OAS2: variants seen among roughly 807,000 people sequenced by gnomAD.
OAS2 encodes 2'-5'-oligoadenylate synthetase 2, also known as 2'-5'-oligoadenylate synthase 2.
A neutral mutation model predicts 71.3 loss-of-function variants in OAS2; 67 were observed. That is an observed-to-expected ratio of 0.94 (90% CI 0.77 to 1.15). The LOEUF is 1.15. OAS2 is among the 50% of genes most tolerant of loss of function. The pLI is 0.00. For synonymous variants in OAS2, 327 were observed against 321.8 expected (o/e 1.02, Z -0.17); for missense variants, 789 against 822.5 (o/e 0.96, Z 0.50).
Position 112,978,825 on chromosome 12 carries a change from G to C in OAS2, c.177+40G>C. 6.4e-7 allele frequency: 1 copy of C among 1,574,172 alleles called. No individual in the cohort carries two copies. Among genetic ancestry groups the C allele is most frequent in the Non-Finnish European group, 8.6e-7 (1 of 1,157,860 alleles). ...GAGGTTGGGTCTCTGGGAGGCAGGA[G>C]ATTCCACGGCGGCAGCAAGGCCGAG... is the stretch of plus-strand genomic sequence containing the variant. On this transcript the variant is annotated intron_variant, in intron 1 of 9. Transcript: ENST00000392583. This position sits in a 1 kb window ranked among gnomAD's most constrained non-coding sequence, Gnocchi z 4.2.
chr12:113,002,788 T>G, intron 5 of OAS2, 144 bp from the exon 6 acceptor site: 1 of 697,508 alleles, frequency 1.4e-6, no homozygotes, highest in Non-Finnish European at 2.5e-6. Flanking sequence ...ATTTGTGCAA[T>G]GACAAAAGAC....
chr12:113,003,572 G>A (rs2044307553), intron 6 of OAS2, among the ~76,000 whole-genome samples: 1 of 152,066 alleles, frequency 6.6e-6, no homozygotes, highest in Non-Finnish European at 1.5e-5. Context: ...GTATTTTTAG[G>A]GGTCCACCAT....
Position 113,010,497 on chromosome 12 carries a change from A to G in OAS2, c.*1242A>G. ...AAGAAACTTCTAGAGATCATCTGGC[A>G]ATCGCTTTTAAAGACTCGGCTCACC... On this transcript the variant is annotated 3_prime_UTR_variant, in exon 10 of 10. Coordinates refer to ENST00000392583, the MANE Select transcript of OAS2 (RefSeq NM_002535.3). 6.2e-7 allele frequency: 1 copy of G among 1,611,172 alleles called. No homozygotes were observed. Among genetic ancestry groups the G allele is most frequent in the Non-Finnish European group, 8.5e-7 (1 of 1,179,408 alleles).
At chr12:112,993,931 T>G (rs920272054) in intron 2 of OAS2, among the ~76,000 whole-genome samples, 2 of 144,728 alleles carry the variant, frequency 1.4e-5, no homozygotes, top group Non-Finnish European at 3.0e-5. Flanking sequence ...TTTTGTTTGT[T>G]TTTGTTTCTA....
intron 2 of OAS2, among the ~76,000 whole-genome samples, chr12:112,991,686 A>G (rs1442847163): frequency 6.6e-6 from 1 of 152,206 alleles, no homozygotes; most frequent in African/African-American, 2.4e-5. Context: ...CAGAGGGATG[A>G]CTTTGAATAG....
intron 7 of OAS2, among the ~76,000 whole-genome samples, 168 bp from the exon 8 acceptor site, chr12:113,006,245 T>A (rs1170293624): frequency 1.3e-5 from 2 of 152,234 alleles, no homozygotes; most frequent in East Asian, 3.8e-4. Flanking sequence ...TTTTTACATA[T>A]CTCATTATTC....
intron 5 of OAS2, among the ~76,000 whole-genome samples, chr12:113,001,069 C>T (rs375728711): frequency 6.6e-6 from 1 of 152,140 alleles, no homozygotes. Flanking sequence ...TTGAGCCAGG[C>T]ACAGTGGCTC....
chr12:113,010,856 G>A lies in OAS2; in HGVS notation c.*1601G>A, dbSNP rs115904106. ...CTCATAACTCTGTGATCTTGCTCTC[G>A]GTGCTTCCAACTCATCCACGTCCTG... On this transcript the variant is annotated 3_prime_UTR_variant, in exon 10 of 10. Coordinates refer to ENST00000392583, the MANE Select transcript of OAS2 (RefSeq NM_002535.3). The A allele has an allele frequency of 5.0e-5, 8 of 161,416 alleles. No individual in the cohort carries two copies. The highest frequency in any genetic ancestry group is 4.8e-5 in the African/African-American group (2 of 41,488). The allele number at this position is 161,416 out of a possible 1,614,324, so 10.0% of individuals were successfully genotyped here. A position where few individuals can be genotyped will look rare whatever the true frequency, so the allele number is the denominator to read the frequency against.
intron 2 of OAS2, chr12:112,988,282 C>G (rs1376771134): frequency 2.1e-6 from 2 of 941,592 alleles, no homozygotes; most frequent in South Asian, 4.9e-5. Context: ...ACTGAGCAGA[C>G]AATTCACAAA....
rs753096085 is a variant in OAS2, at chr12:112,995,434, T to G, written c.587T>G (p.Leu196Arg). Residue 196 changes from leucine to arginine, a missense_variant, in exon 3 of 10, where the codon CTA becomes CGA. Leu to Arg is a moderately radical substitution (Grantham distance 102). Coordinates refer to ENST00000392583, the MANE Select transcript of OAS2 (RefSeq NM_002535.3). ...TTTTTTGACAACCGTCCTGGAAAAC[T>G]AAAGGATTTGATCCTCTTGATAAAG... ...QKFFDNRPGK[L>R]KDLILLIKHW... The G allele has an allele frequency of 1.2e-5, 19 of 1,614,176 alleles. No homozygotes were observed. Among genetic ancestry groups the G allele is most frequent in the Non-Finnish European group, 1.6e-5 (19 of 1,180,006 alleles).
intron 1 of OAS2, among the ~76,000 whole-genome samples, chr12:112,984,943 G>A (rs1402766683): frequency 1.5e-5 from 2 of 137,608 alleles, no homozygotes; most frequent in East Asian, 3.9e-4. Flanking sequence ...TTGTCTGAAA[G>A]GGTTTTTTTT....
chr12:112,998,265 G>C lies in OAS2; in HGVS notation c.864-1G>C, dbSNP rs752989439. 7 of 1,612,454 alleles carry C rather than the reference G, an allele frequency of 4.3e-6. No homozygotes were observed. In the South Asian group the frequency reaches 7.7e-5, roughly 18 times the overall value. The stretch of plus-strand genomic sequence containing the variant: ...TTTTTTTAATCTAATGGAATACACA[G>C]GCCAGTAATCTTGGATCCAGTTGAC... On this transcript the variant is annotated splice_acceptor_variant, in intron 4 of 9. Transcript: ENST00000392583. LOFTEE classifies it high-confidence loss of function.
At chr12:113,001,096 C>A (rs927655737) in intron 5 of OAS2, among the ~76,000 whole-genome samples, 1 of 152,116 alleles carries the variant, frequency 6.6e-6, no homozygotes, top group African/African-American at 2.4e-5. Flanking sequence ...GTAATCCCAA[C>A]ACTTTGGGAG....
rs1020414635 is a variant in OAS2, at chr12:113,010,172, G to T, written c.*917G>T. 25 of 1,322,178 alleles carry T rather than the reference G, an allele frequency of 1.9e-5. 1 individual carries two copies. The highest frequency in any genetic ancestry group is 2.2e-5 in the Non-Finnish European group (23 of 1,036,490). The allele number at this position is 1,322,178 out of a possible 1,614,324, so 81.9% of individuals were successfully genotyped here. A position where few individuals can be genotyped will look rare whatever the true frequency, so the allele number is the denominator to read the frequency against. The stretch of plus-strand genomic sequence containing the variant: ...GAACCCTACACCCCAACCCTGGGGG[G>T]AATGTAGGGAAGAGGTGGCCAAGCC... On this transcript the variant is annotated 3_prime_UTR_variant, in exon 10 of 10. Transcript: ENST00000392583.
At chr12:112,988,808 C>G (rs1026265390) in intron 2 of OAS2, 1 of 805,008 alleles carries the variant, frequency 1.2e-6, no homozygotes, top group Non-Finnish European at 1.5e-6. Context: ...TCACCATACT[C>G]TGTACCTGCC....
intron 5 of OAS2, among the ~76,000 whole-genome samples, chr12:112,999,267 T>C (rs1249850626): frequency 6.6e-6 from 1 of 152,142 alleles, no homozygotes; most frequent in South Asian, 2.1e-4. Flanking sequence ...AAAGGAGAAG[T>C]AAATCTGTCA....
rs973579765 is a variant in OAS2 at position 113,010,248 on chromosome 12, A to G, written c.*993A>G. On this transcript the variant is annotated 3_prime_UTR_variant, in exon 10 of 10. Transcript: ENST00000392583. Reference sequence around the variant, plus strand: ...AAGATATGCATTATAAATAAATACCAAAAAATTGTCTCTGGCAATAGTTAC... The same window carrying G: ...AAGATATGCATTATAAATAAATACCGAAAAATTGTCTCTGGCAATAGTTAC... The G allele has an allele frequency of 2.7e-6, 4 of 1,474,034 alleles. No homozygotes were observed. The African/African-American group carries it at 4.2e-5, about 16-fold the overall frequency. The allele number at this position is 1,474,034 out of a possible 1,614,324, so 91.3% of individuals were successfully genotyped here. A position where few individuals can be genotyped will look rare whatever the true frequency, so the allele number is the denominator to read the frequency against.
At chr12:112,988,226 C>G in intron 2 of OAS2, 1 of 985,250 alleles carries the variant, frequency 1.0e-6, no homozygotes, top group Non-Finnish European at 1.2e-6. Flanking sequence ...ATCAATACCA[C>G]TGTTAAGAAG....
At chr12:112,991,378 A>G (rs2044191221) in intron 2 of OAS2, among the ~76,000 whole-genome samples, 1 of 152,246 alleles carries the variant, frequency 6.6e-6, no homozygotes, top group African/African-American at 2.4e-5. Context: ...TTATTTTGCC[A>G]AGGTTGAGGA....
Sources: allele counts gnomAD v4.1 joint callset (sites outside exome capture counted in the v4.1 genomes callset), GRCh38; gene constraint gnomAD v4.1.1; non-coding constraint Gnocchi (gnomAD v3.1); transcripts MANE v1.5; gene names NCBI Gene and HGNC (gene_info 2026-07-23, HGNC 2026-07-21).